ELOVL6: variants seen among roughly 807,000 people sequenced by gnomAD.
The protein encoded by ELOVL6 is very long chain fatty acid elongase 6.
Under a neutral mutation model 31.7 loss-of-function variants are expected in ELOVL6, and 8 were observed. That is an observed-to-expected ratio of 0.25 (90% confidence interval 0.15 to 0.45). The LOEUF (loss-of-function observed/expected upper bound fraction) is 0.45, where lower values mean the gene tolerates loss of function less well. ELOVL6 is among the 20% of genes least tolerant of loss of function. ELOVL6 has a pLI of 1.00. For missense variants in ELOVL6, 126 were observed against 326.4 expected (o/e 0.39, Z 4.73); for synonymous variants, 101 against 117.7 (o/e 0.86, Z 0.92).
chr4:110,073,637 G>C (rs769959803), intron 2 of ELOVL6, among the ~76,000 whole-genome samples: 1 of 152,110 alleles, frequency 6.6e-6, no homozygotes, highest in Non-Finnish European at 1.5e-5. Flanking sequence ...CAAGGAGAAC[G>C]TATTTTTCTC....
In ELOVL6 at chr4:110,083,086, C is replaced by T. The variant is rs960714726; in HGVS notation, c.221+22411G>A. ...TGGGTTTATTCACTTAAAAAAAAAGCAAACTTTTTCTATGCCGACTACATA... is the reference window on the plus strand; with the variant it reads ...TGGGTTTATTCACTTAAAAAAAAAGTAAACTTTTTCTATGCCGACTACATA... On this transcript the variant is annotated intron_variant, in intron 2 of 3. Coordinates refer to ENST00000302274, the MANE Select transcript of ELOVL6 (RefSeq NM_024090.3). Among the ~76,000 whole-genome samples the T allele has an allele frequency of 5.3e-5, 8 of 151,606 alleles. 1 individual carries two copies. In the East Asian group the frequency reaches 1.5e-3, roughly 29 times the overall value.
Position 110,050,479 on chromosome 4 carries a change from A to T in ELOVL6, c.*859T>A, listed in dbSNP as rs1447032212. 1 of 152,120 alleles carries T rather than the reference A, an allele frequency of 6.6e-6. No homozygotes were observed. The highest frequency in any genetic ancestry group is 1.5e-5 in the Non-Finnish European group (1 of 68,030). 9.4% of individuals were successfully genotyped at this position (152,120 alleles called of 1,614,324 possible). A position where few individuals can be genotyped will look rare whatever the true frequency, so the allele number is the denominator to read the frequency against. On this transcript the variant is annotated 3_prime_UTR_variant, in exon 4 of 4. Transcript: ENST00000302274. ...TTTGGTTGAGTGTTTATCTTTTTCA[A>T]TTCTGTATTTACTCTTCTGTTCAAA...
At chr4:110,107,775 C>CT (rs745864331) in intron 1 of ELOVL6, among the ~76,000 whole-genome samples, 2 of 152,026 alleles carry the variant, frequency 1.3e-5, no homozygotes, top group African/African-American at 2.4e-5. Flanking sequence ...AAAGTATATA[C>CT]TTTTTTTCTA....
intron 1 of ELOVL6, among the ~76,000 whole-genome samples, chr4:110,111,154 G>A (rs114315184): frequency 0.014 from 2,124 of 152,216 alleles, 28 homozygotes; most frequent in Non-Finnish European, 0.025. Flanking sequence ...GAAATTCCTT[G>A]TATACATCTG....
chr4:110,198,197 G>A (rs368533427), intron 1 of ELOVL6, 50 bp downstream of exon 1: 2 of 1,150,756 alleles, frequency 1.7e-6, no homozygotes, highest in African/African-American at 1.5e-5. Context: ...GGCACTCCGG[G>A]AAGACGCGCA....
At chr4:110,196,496 T>TGGGGCTCGAG (rs1759791845) in intron 1 of ELOVL6, among the ~76,000 whole-genome samples, 2 of 152,042 alleles carry the variant, frequency 1.3e-5, no homozygotes, top group Non-Finnish European at 2.9e-5. Flanking sequence ...CCCCGGGCGG[T>TGGGGCTCGAG]GGGGCTCGAG....
At chr4:110,192,174 G>A (rs937421975) in intron 1 of ELOVL6, among the ~76,000 whole-genome samples, 1 of 140,288 alleles carries the variant, frequency 7.1e-6, no homozygotes, top group African/African-American at 2.7e-5. Flanking sequence ...TGGGCAACAA[G>A]GGCAAAACTC....
At chr4:110,141,649 T>C (rs1757960053) in intron 1 of ELOVL6, among the ~76,000 whole-genome samples, 1 of 149,572 alleles carries the variant, frequency 6.7e-6, no homozygotes, top group Admixed American at 6.7e-5. Flanking sequence ...TTGTATTGTA[T>C]TGTATTAGTA....
At chr4:110,082,664 C>T (rs1049523370) in intron 2 of ELOVL6, among the ~76,000 whole-genome samples, 1 of 152,020 alleles carries the variant, frequency 6.6e-6, no homozygotes, top group Non-Finnish European at 1.5e-5. Context: ...TTAATGGGTG[C>T]AGCACACCAA....
chr4:110,171,820 A>C (rs1378633582), intron 1 of ELOVL6, among the ~76,000 whole-genome samples: 1 of 150,602 alleles, frequency 6.6e-6, no homozygotes, highest in Non-Finnish European at 1.5e-5. Flanking sequence ...CTCCCAAGTA[A>C]CTGGGACTAC....
intron 1 of ELOVL6, among the ~76,000 whole-genome samples, chr4:110,170,503 T>C (rs571843167): frequency 6.6e-6 from 1 of 152,364 alleles, no homozygotes; most frequent in African/African-American, 2.4e-5. Flanking sequence ...AATGTGCACA[T>C]CCCTAGCTGA....
At chr4:110,182,666 T>C (rs1364431232) in intron 1 of ELOVL6, among the ~76,000 whole-genome samples, 1 of 152,096 alleles carries the variant, frequency 6.6e-6, no homozygotes, top group Non-Finnish European at 1.5e-5. Context: ...CCCAGCACTG[T>C]GGGAGGCCGA....
chr4:110,097,361 A>G (rs1028095049), intron 2 of ELOVL6, among the ~76,000 whole-genome samples: 12 of 151,316 alleles, frequency 7.9e-5, no homozygotes, highest in African/African-American at 2.9e-4. Context: ...TTCAGACTAG[A>G]CATTGTTATC....
chr4:110,186,912 CA>C (rs1216985545), intron 1 of ELOVL6, among the ~76,000 whole-genome samples: 89 of 115,838 alleles, frequency 7.7e-4, no homozygotes, highest in African/African-American at 9.4e-4. Context: ...TGGAATGTTT[CA>C]AAAAAAAAAA....
At chr4:110,151,914 T>C (rs976706313) in intron 1 of ELOVL6, among the ~76,000 whole-genome samples, 3 of 152,222 alleles carry the variant, frequency 2.0e-5, no homozygotes, top group Non-Finnish European at 4.4e-5. Context: ...ACAGGGTACA[T>C]TTAATCATCA....
intron 1 of ELOVL6, among the ~76,000 whole-genome samples, chr4:110,164,705 C>T (rs1295781216): frequency 7.0e-6 from 1 of 142,380 alleles, no homozygotes; most frequent in Non-Finnish European, 1.5e-5. Context: ...CACGCCACTG[C>T]ACTCCAGCCT....
intron 1 of ELOVL6, among the ~76,000 whole-genome samples, chr4:110,191,844 T>C (rs1307551607): frequency 1.3e-5 from 2 of 151,962 alleles, no homozygotes; most frequent in Non-Finnish European, 2.9e-5. Flanking sequence ...TATATCCCCC[T>C]AAGTATTTCA....
chr4:110,119,400 A>G (rs1019939777), intron 1 of ELOVL6, among the ~76,000 whole-genome samples: 2 of 152,242 alleles, frequency 1.3e-5, no homozygotes, highest in African/African-American at 2.4e-5. Context: ...CAAAATATTA[A>G]TCATCTTTAT....
In ELOVL6 at chr4:110,084,531, TACACACAC is replaced by T. The variant is rs67665852; in HGVS notation, c.221+20958_221+20965del. 7.0e-3 allele frequency among the ~76,000 whole-genome samples: 491 copies of T among 70,312 alleles called. 18 individuals carry two copies. The highest frequency in any genetic ancestry group is 0.033 in the East Asian group (63 of 1,918). The allele number at this position is 70,312 out of a possible 152,430, so 46.1% of individuals were successfully genotyped here. A position where few individuals can be genotyped will look rare whatever the true frequency, so the allele number is the denominator to read the frequency against. ...TATATGTGTATACATTATATACACT[TACACACAC>T]ACACACACACACACACACACACAGA... On this transcript the variant is annotated intron_variant, in intron 2 of 3. Transcript: ENST00000302274.
Sources: allele counts gnomAD v4.1 joint callset (sites outside exome capture counted in the v4.1 genomes callset), GRCh38; gene constraint gnomAD v4.1.1; transcripts MANE v1.5; gene names NCBI Gene and HGNC (gene_info 2026-07-23, HGNC 2026-07-21).